Variants in FOXP1 observed in about 807,000 individuals in gnomAD.
FOXP1 encodes the protein forkhead box protein P1.
FOXP1 carries 15 observed loss-of-function variants against 98.2 expected under a neutral mutation model. The ratio of observed to expected loss-of-function variants is 0.15; its 90% CI spans 0.10 to 0.24. The LOEUF is 0.24. Among genes scored for constraint, FOXP1 ranks in the 10% least tolerant of loss-of-function variants. The pLI is 1.00. For synonymous variants in FOXP1, 371 were observed against 314.5 expected (o/e 1.18, Z -1.90); for missense variants, 633 against 848.5 (o/e 0.75, Z 3.15).
chr3:71,007,158 A>G (rs2042913334), intron 12 of FOXP1, among the ~76,000 whole-genome samples: 1 of 152,190 alleles, frequency 6.6e-6, no homozygotes, highest in South Asian at 2.1e-4. Flanking sequence ...TTCTAAAACC[A>G]ATAAAAAATG....
chr3:71,476,155 T>C (rs967686579), intron 3 of FOXP1, among the ~76,000 whole-genome samples: 1 of 152,242 alleles, frequency 6.6e-6, no homozygotes, highest in Non-Finnish European at 1.5e-5. Flanking sequence ...ACAATGGAAA[T>C]GACTGAAAGT....
intron 4 of FOXP1, among the ~76,000 whole-genome samples, chr3:71,348,110 G>A (rs1367325161): frequency 6.6e-6 from 1 of 152,118 alleles, no homozygotes; most frequent in Non-Finnish European, 1.5e-5. Flanking sequence ...GAAGTTATGT[G>A]AATGTGGTCT....
chr3:70,968,209 T>C (rs1298417201), intron 19 of FOXP1, among the ~76,000 whole-genome samples: 2 of 146,086 alleles, frequency 1.4e-5, no homozygotes, highest in East Asian at 3.9e-4. Context: ...AAACCAGCCT[T>C]GTCCCTTGAA....
At chr3:71,065,160 AACTC>A (rs2052303210) in intron 7 of FOXP1, among the ~76,000 whole-genome samples, 1 of 151,238 alleles carries the variant, frequency 6.6e-6, no homozygotes, top group Non-Finnish European at 1.5e-5. Flanking sequence ...TCTGGAGAGC[AACTC>A]CACTTAATAG....
At chr3:71,519,018 G>A (rs1190014661) in intron 2 of FOXP1, among the ~76,000 whole-genome samples, 1 of 152,236 alleles carries the variant, frequency 6.6e-6, no homozygotes, top group Non-Finnish European at 1.5e-5. Flanking sequence ...GGCCGAGACG[G>A]GCGGATCGCC....
At chr3:70,998,357 G>A (rs2041667746) in intron 13 of FOXP1, among the ~76,000 whole-genome samples, 1 of 152,120 alleles carries the variant, frequency 6.6e-6, no homozygotes, top group African/African-American at 2.4e-5. Context: ...CACCAGTCAC[G>A]AAATAATGTT....
At chr3:71,483,856 T>G (rs1302917954) in intron 3 of FOXP1, among the ~76,000 whole-genome samples, 1 of 151,560 alleles carries the variant, frequency 6.6e-6, no homozygotes, top group South Asian at 2.1e-4. Context: ...TAAAAAAAAA[T>G]AAAAATAAAT....
intron 7 of FOXP1, among the ~76,000 whole-genome samples, chr3:71,065,207 T>G (rs1192037041): frequency 6.7e-6 from 1 of 150,192 alleles, no homozygotes; most frequent in Non-Finnish European, 1.5e-5. Context: ...CCGGCTGACG[T>G]CTGGGTCGGC....
rs527436046 is a variant in FOXP1, at chr3:71,364,400, A to G, written c.-167-5156T>C. 2.6e-5 allele frequency among the ~76,000 whole-genome samples: 4 copies of G among 152,362 alleles called. No individual in the cohort carries two copies. In the East Asian group the frequency reaches 7.7e-4, roughly 29 times the overall value. ...AGTTTTACTTACTTAACCTTCACGT[A>G]GCCCAGTAAGGAAGTTTGATTCCCA... On this transcript the variant is annotated intron_variant, in intron 3 of 20. Coordinates refer to ENST00000649528, the MANE Select transcript of FOXP1 (RefSeq NM_001349338.3).
intron 20 of FOXP1, among the ~76,000 whole-genome samples, chr3:70,960,548 T>C (rs2033131163): frequency 6.6e-6 from 1 of 152,218 alleles, no homozygotes. Context: ...TTTTGATATG[T>C]AAAAGAACCA....
chr3:71,276,789 CTAAT>C (rs2107352168), intron 5 of FOXP1, among the ~76,000 whole-genome samples: 1 of 152,072 alleles, frequency 6.6e-6, no homozygotes, highest in Non-Finnish European at 1.5e-5. Context: ...GTGTTTGAGA[CTAAT>C]TATGTATTGC....
intron 3 of FOXP1, among the ~76,000 whole-genome samples, chr3:71,437,732 C>T (rs1411522051): frequency 1.3e-5 from 2 of 152,256 alleles, no homozygotes; most frequent in East Asian, 3.9e-4. Flanking sequence ...ATCATAATGC[C>T]TTTGGGAATA....
intron 6 of FOXP1, among the ~76,000 whole-genome samples, chr3:71,158,597 C>T (rs972945796): frequency 6.6e-6 from 1 of 151,934 alleles, no homozygotes; most frequent in Non-Finnish European, 1.5e-5. Context: ...ATGGTACAGG[C>T]AACAGAGAAA....
At chr3:71,476,552 G>A (rs184056299) in intron 3 of FOXP1, among the ~76,000 whole-genome samples, 32 of 152,090 alleles carry the variant, frequency 2.1e-4, no homozygotes, top group Admixed American at 3.9e-4. Flanking sequence ...TTGCAATGGC[G>A]CGATCTCAGC....
intron 4 of FOXP1, among the ~76,000 whole-genome samples, chr3:71,325,263 G>A (rs1004329650): frequency 1.3e-5 from 2 of 152,214 alleles, no homozygotes; most frequent in Middle Eastern, 3.4e-3. Flanking sequence ...ATGTTGGCCA[G>A]GCGGGTCTCG....
At chr3:71,389,239 G>GT (rs2080839964) in intron 3 of FOXP1, among the ~76,000 whole-genome samples, 2 of 51,022 alleles carry the variant, frequency 3.9e-5, no homozygotes, top group African/African-American at 7.8e-5. Context: ...TGTAAGCGGC[G>GT]GGGGGGGGGG....
At chr3:71,154,098 T>TC (rs763816441) in intron 6 of FOXP1, among the ~76,000 whole-genome samples, 21 of 147,904 alleles carry the variant, frequency 1.4e-4, no homozygotes, top group African/African-American at 2.9e-4. Context: ...TTCTTCTTCT[T>TC]TTTTTTTGCA....
chr3:71,351,113 A>G (rs2077751578), intron 4 of FOXP1, among the ~76,000 whole-genome samples: 1 of 152,114 alleles, frequency 6.6e-6, no homozygotes, highest in Non-Finnish European at 1.5e-5. Context: ...ACAAAAACAG[A>G]CTCATGAAAG....
At chr3:71,198,936 T>C (rs2063482688) in intron 5 of FOXP1, among the ~76,000 whole-genome samples, 1 of 152,080 alleles carries the variant, frequency 6.6e-6, no homozygotes, top group African/African-American at 2.4e-5. Flanking sequence ...GACCTCGTGA[T>C]CCACCCGCCT....
Sources: allele counts gnomAD v4.1 joint callset (sites outside exome capture counted in the v4.1 genomes callset), GRCh38; gene constraint gnomAD v4.1.1; transcripts MANE v1.5; gene names NCBI Gene and HGNC (gene_info 2026-07-23, HGNC 2026-07-21).